Variants in EPB41L4A observed in about 807,000 individuals in gnomAD.
The protein encoded by EPB41L4A is band 4.1-like protein 4A.
In EPB41L4A, 100 loss-of-function variants were observed where a neutral mutation model predicts 108.6. That is an observed-to-expected ratio of 0.92 (90% CI 0.78 to 1.09). EPB41L4A has a LOEUF of 1.09. Ranked by LOEUF, EPB41L4A falls within the 50% of genes least tolerant of loss-of-function variation. The probability of loss-of-function intolerance (pLI) is 0.00; values close to 1 mark genes in which losing one functional copy is unlikely to be tolerated. For synonymous variants in EPB41L4A, 319 were observed against 289.0 expected (o/e 1.10, Z -1.05); for missense variants, 1,030 against 842.7 (o/e 1.22, Z -2.75).
intron 1 of EPB41L4A, among the ~76,000 whole-genome samples, chr5:112,338,543 C>T (rs1044254536): frequency 6.6e-6 from 1 of 152,080 alleles, no homozygotes; most frequent in Non-Finnish European, 1.5e-5. Flanking sequence ...GATTTGTTTC[C>T]CCCACTGTCT....
downstream of EPB41L4A, chr5:112,160,987 G>C (rs1365833788): frequency 1.3e-5 from 2 of 156,266 alleles, no homozygotes; most frequent in East Asian, 1.9e-4. Flanking sequence ...GCCACCCTGA[G>C]TCTGGTGAGT....
chr5:112,225,401 T>C (rs538974709), intron 12 of EPB41L4A, among the ~76,000 whole-genome samples: 4 of 152,224 alleles, frequency 2.6e-5, no homozygotes, highest in Admixed American at 6.5e-5. Context: ...ATATTGCTCT[T>C]TCTCTGTAAA....
chr5:112,304,179 TC>T (rs1228914794), intron 2 of EPB41L4A, among the ~76,000 whole-genome samples: 2 of 152,092 alleles, frequency 1.3e-5, no homozygotes, highest in African/African-American at 2.4e-5. Context: ...CTTCACACAT[TC>T]CCCCTCCTTT....
At chr5:112,352,715 G>A (rs796087049) in intron 1 of EPB41L4A, among the ~76,000 whole-genome samples, 52 of 152,244 alleles carry the variant, frequency 3.4e-4, no homozygotes, top group African/African-American at 1.1e-3. Flanking sequence ...TGTAGTGGTA[G>A]CAGCTGTAGT....
Position 112,157,264 on chromosome 5 carries a change from G to A in EPB41L4A, n.994+1137C>T, listed in dbSNP as rs114913998. ...TGGTTATCCCTAGAACTCACTATAA[G>A]CAAAAGTCAGCTTTATATGGATTAA... On this transcript the variant is annotated intron_variant and non_coding_transcript_variant, in intron 12 of 13. Coordinates refer to the EPB41L4A transcript ENST00000507810. 1.9e-3 allele frequency among the ~76,000 whole-genome samples: 286 copies of A among 152,130 alleles called. 1 individual carries two copies. The highest frequency in any genetic ancestry group is 6.3e-3 in the African/African-American group (263 of 41,494).
intron 2 of EPB41L4A, among the ~76,000 whole-genome samples, chr5:112,304,831 A>G (rs997538701): frequency 3.9e-5 from 6 of 152,168 alleles, no homozygotes; most frequent in African/African-American, 1.4e-4. Flanking sequence ...TTTATTGTCA[A>G]TTTACGATAA....
chr5:112,333,721 A>C (rs1756735553), intron 1 of EPB41L4A, among the ~76,000 whole-genome samples: 1 of 152,144 alleles, frequency 6.6e-6, no homozygotes, highest in Non-Finnish European at 1.5e-5. Flanking sequence ...GACACATGTC[A>C]CCAGTTCTCT....
At chr5:112,318,702 A>G (rs546455445) in intron 1 of EPB41L4A, among the ~76,000 whole-genome samples, 1 of 152,328 alleles carries the variant, frequency 6.6e-6, no homozygotes, top group Admixed American at 6.5e-5. Context: ...AATGTTGGGT[A>G]GTTTGTTACA....
intron 1 of EPB41L4A, among the ~76,000 whole-genome samples, chr5:112,314,527 A>G (rs981185215): frequency 2.3e-5 from 3 of 133,070 alleles, no homozygotes; most frequent in African/African-American, 5.3e-5. Context: ...AAAAAAAAAA[A>G]AAAAAAAAAA....
At chr5:112,346,193 T>A (rs1374070032) in intron 1 of EPB41L4A, among the ~76,000 whole-genome samples, 1 of 146,894 alleles carries the variant, frequency 6.8e-6, no homozygotes, top group African/African-American at 2.5e-5. Context: ...TAGAAAAAAA[T>A]TCTTTAAAGT....
intron 9 of EPB41L4A, among the ~76,000 whole-genome samples, chr5:112,246,421 C>A (rs748122434): frequency 1.3e-5 from 2 of 152,112 alleles, no homozygotes; most frequent in African/African-American, 4.8e-5. Flanking sequence ...ATAGGCTATA[C>A]TGTATAGCCT....
At chr5:112,352,819 T>C (rs1054444393) in intron 1 of EPB41L4A, among the ~76,000 whole-genome samples, 1 of 152,238 alleles carries the variant, frequency 6.6e-6, no homozygotes, top group African/African-American at 2.4e-5. Flanking sequence ...AAGCATTTCA[T>C]AGATTTTCAT....
At chr5:112,325,132 A>G (rs1243869379) in intron 1 of EPB41L4A, among the ~76,000 whole-genome samples, 9 of 140,922 alleles carry the variant, frequency 6.4e-5, no homozygotes, top group Admixed American at 4.8e-4. Flanking sequence ...AACTGCGAGA[A>G]ATTACGCACA....
At chr5:112,407,128 G>A (rs10062045) in intron 1 of EPB41L4A, among the ~76,000 whole-genome samples, 7,641 of 152,016 alleles carry the variant, frequency 0.05, 576 homozygotes, top group African/African-American at 0.16. Flanking sequence ...AAACGAGTTC[G>A]TGTGAAAGAT....
At chr5:112,147,859 T>C (rs1471437671) in intron 12 of EPB41L4A, among the ~76,000 whole-genome samples, 1 of 151,610 alleles carries the variant, frequency 6.6e-6, no homozygotes, top group African/African-American at 2.4e-5. Context: ...GCCAACGTGG[T>C]GAAACCTTGT....
chr5:112,199,285 T>C (rs189650626), intron 15 of EPB41L4A, among the ~76,000 whole-genome samples: 54 of 152,282 alleles, frequency 3.5e-4, no homozygotes, highest in Admixed American at 1.6e-3. Flanking sequence ...ACAAAGGGAT[T>C]CTCTAATTTT....
At chr5:112,364,534 C>G (rs62365251) in intron 1 of EPB41L4A, among the ~76,000 whole-genome samples, 35,706 of 151,968 alleles carry the variant, frequency 0.23, 4,499 homozygotes, top group African/African-American at 0.29. Flanking sequence ...AAGATAAATA[C>G]TTGTATTCTA....
At chr5:112,378,994 G>A (rs1759995379) in intron 1 of EPB41L4A, among the ~76,000 whole-genome samples, 2 of 152,142 alleles carry the variant, frequency 1.3e-5, no homozygotes, top group South Asian at 2.1e-4. Flanking sequence ...GTTATATGCA[G>A]GTGTCTATGA....
chr5:112,150,330 A>C (rs1290086949), intron 12 of EPB41L4A, among the ~76,000 whole-genome samples: 3 of 152,220 alleles, frequency 2.0e-5, no homozygotes, highest in Non-Finnish European at 2.9e-5. Flanking sequence ...CAGTCAGCTA[A>C]AACAGAGTTA....
Sources: gnomAD v4.1 joint callset for allele counts (sites outside exome capture counted in the v4.1 genomes callset) on GRCh38, gnomAD v4.1.1 for gene constraint, MANE v1.5 for transcripts, NCBI Gene and HGNC (gene_info 2026-07-23, HGNC 2026-07-21) for gene names.